Variants in CDK14 observed in about 807,000 individuals in gnomAD.
The protein encoded by CDK14 is cyclin dependent kinase 14, also known as cyclin-dependent kinase 14.
In CDK14, 34 loss-of-function variants were observed where a neutral mutation model predicts 60.7. That is an observed-to-expected ratio of 0.56 (90% CI 0.43 to 0.75). CDK14 has a LOEUF of 0.75. Among genes scored for constraint, CDK14 ranks in the 30% least tolerant of loss-of-function variants. The probability of loss-of-function intolerance (pLI) is 0.00; values close to 1 mark genes in which losing one functional copy is unlikely to be tolerated. For synonymous variants in CDK14, 197 were observed against 203.7 expected (o/e 0.97, Z 0.28); for missense variants, 482 against 564.1 (o/e 0.85, Z 1.47).
intron 2 of CDK14, among the ~76,000 whole-genome samples, chr7:90,702,430 A>T (rs575340309): frequency 6.6e-6 from 1 of 152,210 alleles, no homozygotes; most frequent in African/African-American, 2.4e-5. Context: ...TCTATGATGA[A>T]TCTTCTTTAG....
At chr7:91,158,794 G>A (rs1200567462) in intron 14 of CDK14, among the ~76,000 whole-genome samples, 1 of 152,194 alleles carries the variant, frequency 6.6e-6, no homozygotes, top group Non-Finnish European at 1.5e-5. Context: ...GTCCAGCTTA[G>A]ATACAGTCAG....
At chr7:90,939,022 C>T (rs899215480) in intron 8 of CDK14, among the ~76,000 whole-genome samples, 2 of 152,154 alleles carry the variant, frequency 1.3e-5, no homozygotes, top group Non-Finnish European at 2.9e-5. Flanking sequence ...ACTTATATTT[C>T]AAATATGGTT....
At chr7:91,062,228 C>A (rs1797822477) in intron 11 of CDK14, among the ~76,000 whole-genome samples, 1 of 152,124 alleles carries the variant, frequency 6.6e-6, no homozygotes, top group African/African-American at 2.4e-5. Context: ...CCTGGTGTGA[C>A]GTTTGCTAAG....
chr7:91,144,883 C>T (rs1476235911), intron 14 of CDK14, among the ~76,000 whole-genome samples: 1 of 152,066 alleles, frequency 6.6e-6, no homozygotes, highest in African/African-American at 2.4e-5. Flanking sequence ...TACTATGAGA[C>T]TTTTGGGTTA....
At chr7:90,914,973 G>A (rs1793027619) in intron 7 of CDK14, among the ~76,000 whole-genome samples, 1 of 152,158 alleles carries the variant, frequency 6.6e-6, no homozygotes, top group Non-Finnish European at 1.5e-5. Flanking sequence ...TACTGTGATA[G>A]ACATATGCAG....
At chr7:91,201,496 A>G (rs1051294802) in intron 14 of CDK14, among the ~76,000 whole-genome samples, 1 of 152,132 alleles carries the variant, frequency 6.6e-6, no homozygotes, top group Non-Finnish European at 1.5e-5. Context: ...TCTTGTAGAA[A>G]AAAGAGTACT....
intron 5 of CDK14, among the ~76,000 whole-genome samples, chr7:90,832,928 A>G (rs1355042883): frequency 1.3e-5 from 2 of 152,156 alleles, no homozygotes; most frequent in Admixed American, 6.5e-5. Context: ...TGTTTCTGGG[A>G]CTGTCAGTGG....
At chr7:91,122,041 T>C (rs561852613) in intron 14 of CDK14, among the ~76,000 whole-genome samples, 1 of 152,346 alleles carries the variant, frequency 6.6e-6, no homozygotes, top group South Asian at 2.1e-4. Flanking sequence ...CTCTATTCTT[T>C]TAGATATGTT....
chr7:91,048,381 G>T (rs766702590), intron 11 of CDK14, among the ~76,000 whole-genome samples: 13 of 152,068 alleles, frequency 8.5e-5, no homozygotes, highest in Non-Finnish European at 1.6e-4. Context: ...ATTGTTTTCT[G>T]GATTTAACCC....
intron 10 of CDK14, among the ~76,000 whole-genome samples, chr7:91,037,870 T>C (rs1418558282): frequency 1.3e-5 from 2 of 152,226 alleles, no homozygotes; most frequent in African/African-American, 4.8e-5. Context: ...TAAATTTGAA[T>C]TAAGTAATTT....
intron 14 of CDK14, among the ~76,000 whole-genome samples, chr7:91,130,245 T>C (rs1226132786): frequency 6.6e-6 from 1 of 152,170 alleles, no homozygotes; most frequent in Non-Finnish European, 1.5e-5. Context: ...ATTGAAAAGA[T>C]TTGCACAACT....
intron 8 of CDK14, among the ~76,000 whole-genome samples, chr7:90,924,225 G>T (rs182679481): frequency 1.2e-3 from 179 of 152,318 alleles, no homozygotes; most frequent in African/African-American, 3.9e-3. Flanking sequence ...TGGCAAGGGG[G>T]TTGAGCATGC....
chr7:91,055,517 TCTA>T (rs1289367418), intron 11 of CDK14, among the ~76,000 whole-genome samples: 1 of 152,238 alleles, frequency 6.6e-6, no homozygotes, highest in Admixed American at 6.5e-5. Flanking sequence ...AAAATGAAGT[TCTA>T]CTGATAGCAG....
rs1387248109 is a variant in CDK14, at chr7:90,829,571, GC to G, written c.545-33602del. ...TTTTGAGATGGAGCCTCACTCTGTT[GC>G]CTAAACTGGAGTGCAGTGGCATGAT... On this transcript the variant is annotated intron_variant, in intron 5 of 14. Transcript: ENST00000380050. 4.6e-5 allele frequency among the ~76,000 whole-genome samples: 7 copies of G among 152,148 alleles called. No homozygotes were observed. The East Asian group carries it at 1.4e-3, about 29-fold the overall frequency.
chr7:90,967,205 A>T (rs959178304), intron 9 of CDK14, among the ~76,000 whole-genome samples: 1 of 151,194 alleles, frequency 6.6e-6, no homozygotes, highest in Non-Finnish European at 1.5e-5. Context: ...GAAGGAAGAA[A>T]GGAAGGAAGG....
rs1775296868 is a variant in CDK14, at chr7:90,767,012, CCTCTGTCCATCTGCAAGATGGA to C, written c.464+19239_464+19260del. On this transcript the variant is annotated intron_variant, in intron 4 of 14. Coordinates refer to ENST00000380050, the MANE Select transcript of CDK14 (RefSeq NM_001287135.2). ...TCGAGCCATGTAGTACCCTGGCTCC[CCTCTGTCCATCTGCAAGATGGA>C]CAACTCCGGTACTCTCTTTTTCTCT... Among the ~76,000 whole-genome samples, 5 of 152,090 alleles carry C rather than the reference CCTCTGTCCATCTGCAAGATGGA, an allele frequency of 3.3e-5. No individual in the cohort carries two copies. In the South Asian group the frequency reaches 1.0e-3, roughly 32 times the overall value.
At chr7:90,621,733 A>T (rs1799775250) in intron 2 of CDK14, among the ~76,000 whole-genome samples, 1 of 149,086 alleles carries the variant, frequency 6.7e-6, no homozygotes, top group Non-Finnish European at 1.5e-5. Context: ...CCAACTGTTT[A>T]TTCATGGGGA....
At chr7:91,117,739 C>T (rs1044831537) in intron 13 of CDK14, among the ~76,000 whole-genome samples, 3 of 152,058 alleles carry the variant, frequency 2.0e-5, no homozygotes, top group Admixed American at 6.6e-5. Flanking sequence ...GTGTGAGGCT[C>T]AATAAATATT....
chr7:91,048,302 C>T (rs1018070906), intron 11 of CDK14, among the ~76,000 whole-genome samples: 1 of 152,122 alleles, frequency 6.6e-6, no homozygotes, highest in Non-Finnish European at 1.5e-5. Context: ...ATTAATGCAT[C>T]TCATTGATCT....
Sources: allele counts gnomAD v4.1 joint callset (sites outside exome capture counted in the v4.1 genomes callset), GRCh38; gene constraint gnomAD v4.1.1; transcripts MANE v1.5; gene names NCBI Gene and HGNC (gene_info 2026-07-23, HGNC 2026-07-21).